Variants in NRG1 observed in about 807,000 individuals in gnomAD.
NRG1 encodes neuregulin 1, also known as pro-neuregulin-1, membrane-bound isoform.
NRG1 carries 18 observed loss-of-function variants against 63.8 expected under a neutral mutation model. The observed-to-expected ratio is 0.28, with a 90% CI of 0.19 to 0.42. NRG1 has a LOEUF of 0.42. NRG1 is among the 10% of genes least tolerant of loss of function. NRG1 has a pLI of 1.00. For missense variants in NRG1, 762 were observed against 814.7 expected (o/e 0.94, Z 0.79); for synonymous variants, 302 against 301.3 (o/e 1.00, Z -0.02).
intron 1 of NRG1, among the ~76,000 whole-genome samples, chr8:32,525,548 C>T (rs1436310989): frequency 6.6e-6 from 1 of 152,008 alleles, no homozygotes; most frequent in Non-Finnish European, 1.5e-5. Flanking sequence ...TGAGACCACA[C>T]ATTTACACGT....
chr8:31,938,798 G>T (rs970259545), intron 1 of NRG1, among the ~76,000 whole-genome samples: 12 of 152,092 alleles, frequency 7.9e-5, no homozygotes, highest in Non-Finnish European at 8.8e-5. Flanking sequence ...AATCAAACAG[G>T]CAGAAGAAAG....
intron 1 of NRG1, among the ~76,000 whole-genome samples, chr8:32,259,423 T>C (rs1219795064): frequency 6.6e-6 from 1 of 152,186 alleles, no homozygotes; most frequent in African/African-American, 2.4e-5. Context: ...CCACTCCATC[T>C]TCAGTGCTCA....
At chr8:32,090,879 C>T (rs1829027395) in intron 1 of NRG1, among the ~76,000 whole-genome samples, 1 of 152,168 alleles carries the variant, frequency 6.6e-6, no homozygotes. Flanking sequence ...ACTACCACGA[C>T]CATCATCATC....
chr8:32,484,457 GAGA>G, intron 1 of NRG1, among the ~76,000 whole-genome samples: 1 of 152,324 alleles, frequency 6.6e-6, no homozygotes, highest in East Asian at 1.9e-4. Context: ...TCAGAAAATA[GAGA>G]AGTTGACATG....
At chr8:31,989,034 A>G (rs453976) in intron 1 of NRG1, among the ~76,000 whole-genome samples, 3,616 of 151,920 alleles carry the variant, frequency 0.024, 123 homozygotes, top group African/African-American at 0.083. Flanking sequence ...AGGTCGCCTG[A>G]TGTCGGGAGT....
Position 31,640,640 on chromosome 8 carries a change from C to G in NRG1, c.37+1209C>G. 1.2e-6 allele frequency: 2 copies of G among 1,609,168 alleles called. No homozygotes were observed. The highest frequency in any genetic ancestry group is 1.7e-6 in the Non-Finnish European group (2 of 1,178,680). On this transcript the variant is annotated intron_variant, in intron 1 of 10. Coordinates refer to the NRG1 transcript ENST00000519301. This position sits in a 1 kb window ranked among gnomAD's most constrained non-coding sequence, Gnocchi z 6.3. ...CCCGACGCCAACAGCACCAGCCGCGCGCCGGCCGCCTTCCGAGCCTCTTTC... is the reference window on the plus strand; with the variant it reads ...CCCGACGCCAACAGCACCAGCCGCGGGCCGGCCGCCTTCCGAGCCTCTTTC...
chr8:31,718,554 C>A (rs1585896387), intron 1 of NRG1, among the ~76,000 whole-genome samples: 1 of 152,278 alleles, frequency 6.6e-6, no homozygotes, highest in South Asian at 2.1e-4. Context: ...TCAATAAAGT[C>A]TTTGTACACA....
intron 1 of NRG1, among the ~76,000 whole-genome samples, chr8:32,347,607 A>G (rs1311856400): frequency 1.3e-5 from 2 of 152,166 alleles, no homozygotes; most frequent in Non-Finnish European, 2.9e-5. Context: ...TTGCTTTTCC[A>G]TGGACTTTGA....
intron 1 of NRG1, among the ~76,000 whole-genome samples, chr8:32,557,068 C>T (rs370155577): frequency 2.6e-5 from 4 of 151,952 alleles, no homozygotes; most frequent in South Asian, 4.2e-4. Context: ...TGCAGTGGTG[C>T]GATCTCAGCT....
chr8:31,695,440 G>A (rs1809961792), intron 1 of NRG1, among the ~76,000 whole-genome samples: 2 of 152,166 alleles, frequency 1.3e-5, no homozygotes, highest in Admixed American at 1.3e-4. Flanking sequence ...AAAGTGCTGG[G>A]ATTGCAAGCG....
intron 1 of NRG1, among the ~76,000 whole-genome samples, chr8:32,246,389 C>T (rs1016746233): frequency 6.6e-6 from 1 of 152,160 alleles, no homozygotes; most frequent in African/African-American, 2.4e-5. Context: ...TTCATGCATA[C>T]ATCTGCCTCT....
intron 1 of NRG1, among the ~76,000 whole-genome samples, chr8:32,443,261 T>C (rs1819786362): frequency 6.6e-6 from 1 of 152,148 alleles, no homozygotes; most frequent in Non-Finnish European, 1.5e-5. Context: ...GTCTTTATGC[T>C]AAATGTCCGA....
At chr8:32,649,561 C>G (rs928759475) in intron 5 of NRG1, among the ~76,000 whole-genome samples, 3 of 152,106 alleles carry the variant, frequency 2.0e-5, no homozygotes, top group African/African-American at 7.2e-5. Flanking sequence ...TGTTTTTCCT[C>G]TGGACAGTAA....
intron 1 of NRG1, among the ~76,000 whole-genome samples, chr8:31,651,435 G>T (rs747649404): frequency 6.6e-5 from 10 of 152,188 alleles, no homozygotes; most frequent in Non-Finnish European, 1.0e-4. Context: ...TTACAATGTA[G>T]ATGGGGCATT....
intron 1 of NRG1, among the ~76,000 whole-genome samples, chr8:31,996,441 G>A (rs1300476570): frequency 1.3e-5 from 2 of 151,910 alleles, no homozygotes. Context: ...TGACTTACTG[G>A]AAATCCCAGG....
chr8:32,188,277 G>C (rs1842158867), intron 1 of NRG1, among the ~76,000 whole-genome samples: 1 of 152,126 alleles, frequency 6.6e-6, no homozygotes, highest in East Asian at 1.9e-4. Context: ...ATGGTGGCCA[G>C]GCTTGTCTCA....
chr8:32,118,275 T>C (rs1447367888), intron 1 of NRG1, among the ~76,000 whole-genome samples: 1 of 151,998 alleles, frequency 6.6e-6, no homozygotes, highest in Non-Finnish European at 1.5e-5. Flanking sequence ...CTGAGTGACT[T>C]GTTGCTCTAT....
chr8:32,706,188 A>G (rs758875130), intron 5 of NRG1, among the ~76,000 whole-genome samples: 7 of 152,244 alleles, frequency 4.6e-5, no homozygotes, highest in African/African-American at 1.2e-4. Context: ...GCAGTGTAGT[A>G]GAGACCAAAG....
At chr8:32,548,683 C>G in exon 1 of NRG1, 1 of 1,549,656 alleles carries the variant, frequency 6.5e-7, no homozygotes, top group South Asian at 1.2e-5. Flanking sequence ...CCAAACTCGC[C>G]TGCGCCGAGA....
Sources: allele counts gnomAD v4.1 joint callset (sites outside exome capture counted in the v4.1 genomes callset), GRCh38; gene constraint gnomAD v4.1.1; non-coding constraint Gnocchi (gnomAD v3.1); transcripts MANE v1.5; gene names NCBI Gene and HGNC (gene_info 2026-07-23, HGNC 2026-07-21).